The following DSTN variants were observed in gnomAD, a reference collection of about 807,000 sequenced individuals.
DSTN encodes the protein destrin.
A neutral mutation model predicts 16.8 loss-of-function variants in DSTN; 10 were observed. The observed-to-expected ratio is 0.60, with a 90% CI of 0.37 to 1.01. DSTN has a LOEUF of 1.01. DSTN is among the 50% of genes least tolerant of loss of function. DSTN has a pLI of 0.01. For missense variants in DSTN, 141 were observed against 196.7 expected, an observed-to-expected ratio of 0.72 and a Z score of 1.69; for synonymous variants, 57 against 58.9, an observed-to-expected ratio of 0.97 and a Z score of 0.14.
At chr20:17,596,863 A>C in intron 1 of DSTN, 1 of 924,318 alleles carries the variant, frequency 1.1e-6, no homozygotes, top group Non-Finnish European at 1.3e-6. Flanking sequence ...TTTGTTTTTG[A>C]TTACTAGTAC....
chr20:17,575,568 TCCTCTACCTCAGC>T (rs1292640264), intron 1 of DSTN, among the ~76,000 whole-genome samples: 1 of 151,890 alleles, frequency 6.6e-6, no homozygotes, highest in African/African-American at 2.4e-5. Flanking sequence ...GCTCAGTCAG[TCCTCTACCTCAGC>T]CTCCTGAGTA....
At chr20:17,606,475 T>C (rs1414249285) in intron 3 of DSTN, among the ~76,000 whole-genome samples, 1 of 152,252 alleles carries the variant, frequency 6.6e-6, no homozygotes, top group Non-Finnish European at 1.5e-5. Context: ...CAAAATCAAC[T>C]GTGCAATCAA....
At chr20:17,605,800 T>G (rs1468034441) in intron 3 of DSTN, among the ~76,000 whole-genome samples, 2 of 152,122 alleles carry the variant, frequency 1.3e-5, no homozygotes, top group Non-Finnish European at 2.9e-5. Flanking sequence ...CTTGATTTGG[T>G]GATACTAAAA....
chr20:17,594,689 A>G (rs1026500310), intron 1 of DSTN, among the ~76,000 whole-genome samples: 3 of 152,164 alleles, frequency 2.0e-5, no homozygotes, highest in Non-Finnish European at 4.4e-5. Context: ...TACATATCCT[A>G]ATCTCCCTCC....
chr20:17,606,974 T>A (rs1172390824), intron 3 of DSTN, 63 bp from the exon 4 acceptor site: 1 of 1,548,926 alleles, frequency 6.5e-7, no homozygotes, highest in East Asian at 2.3e-5. Flanking sequence ...AGTTTGGTTA[T>A]CTTAGAGAAA....
At chr20:17,606,263 A>AAG (rs2035642221) in intron 3 of DSTN, among the ~76,000 whole-genome samples, 1 of 152,250 alleles carries the variant, frequency 6.6e-6, no homozygotes. Flanking sequence ...ATAACCATGC[A>AAG]GCTATTTAAA....
intron 1 of DSTN, among the ~76,000 whole-genome samples, chr20:17,574,876 T>C (rs1418867015): frequency 5.4e-5 from 7 of 128,794 alleles, no homozygotes; most frequent in African/African-American, 2.1e-4. Context: ...TTTTGTTTTT[T>C]TTTTTTTTTT....
intron 1 of DSTN, 147 bp downstream of exon 1, chr20:17,570,358 G>GCAC: frequency 8.6e-7 from 1 of 1,164,680 alleles, no homozygotes; most frequent in Admixed American, 4.1e-5. Context: ...CTGCGGGTGA[G>GCAC]GGGGGGTCTC....
At chr20:17,602,913 G>A (rs575710346) in intron 2 of DSTN, among the ~76,000 whole-genome samples, 1 of 152,266 alleles carries the variant, frequency 6.6e-6, no homozygotes, top group East Asian at 1.9e-4. Flanking sequence ...CCAGCTACTC[G>A]GGAGGCTGAG....
At chr20:17,604,432 G>GA (rs1454150714) in intron 2 of DSTN, 123 bp from the exon 3 acceptor site, 2 of 1,008,672 alleles carry the variant, frequency 2.0e-6, no homozygotes, top group East Asian at 2.6e-5. Flanking sequence ...GTGCAGTTAA[G>GA]AAAAAATATC....
intron 1 of DSTN, chr20:17,596,907 A>G: frequency 2.7e-6 from 2 of 732,338 alleles, no homozygotes; most frequent in Non-Finnish European, 3.3e-6. Context: ...AGAATTTAGA[A>G]TGTTTGAGAT....
At chr20:17,600,589 A>G in intron 1 of DSTN, 149 bp from the exon 2 acceptor site, 1 of 914,638 alleles carries the variant, frequency 1.1e-6, no homozygotes. Flanking sequence ...TAAAATTAGT[A>G]GTGATTACAG....
At chr20:17,572,096 G>T (rs1043157148) in intron 1 of DSTN, among the ~76,000 whole-genome samples, 9 of 152,284 alleles carry the variant, frequency 5.9e-5, no homozygotes, top group Non-Finnish European at 8.8e-5. Flanking sequence ...AGCTCTTTTG[G>T]TTAGATGCTT....
intron 1 of DSTN, among the ~76,000 whole-genome samples, chr20:17,570,851 C>T (rs1208032939): frequency 6.6e-6 from 1 of 152,174 alleles, no homozygotes; most frequent in African/African-American, 2.4e-5. Flanking sequence ...GCACTCTCGT[C>T]GTGCTTGTCA....
intron 1 of DSTN, chr20:17,599,719 T>C (rs1568739256): frequency 1.3e-5 from 2 of 152,226 alleles, no homozygotes; most frequent in Non-Finnish European, 2.9e-5. Context: ...CATATACTCC[T>C]TAGGAAAGGC....
intron 1 of DSTN, among the ~76,000 whole-genome samples, chr20:17,583,912 GTTTT>G (rs1310428371): frequency 6.6e-6 from 1 of 151,716 alleles, no homozygotes; most frequent in Admixed American, 6.6e-5. Context: ...ATTTTAAAAA[GTTTT>G]TTTGTCAAGA....
intron 1 of DSTN, among the ~76,000 whole-genome samples, chr20:17,575,981 T>G (rs2035273980): frequency 6.6e-6 from 1 of 152,246 alleles, no homozygotes. Flanking sequence ...ATGTTGGAAG[T>G]GAGAAGTTTT....
rs1291115599 is a variant in DSTN at position 17,570,164 on chromosome 20, C to T, written c.-45C>T. The T allele has an allele frequency of 4.0e-6, 6 of 1,517,494 alleles. No homozygotes were observed. Among genetic ancestry groups the T allele is most frequent in the Non-Finnish European group, 5.3e-6 (6 of 1,136,810 alleles). 94.0% of individuals were successfully genotyped at this position (1,517,494 alleles called of 1,614,324 possible). A position where few individuals can be genotyped will look rare whatever the true frequency, so the allele number is the denominator to read the frequency against. ...AGGAGGACGGTCTGCATACTCGCTG[C>T]CCGCCGGCTCCCTCCCCCGCGTCCC... On this transcript the variant is annotated 5_prime_UTR_variant, in exon 1 of 4. Transcript: ENST00000246069.
chr20:17,582,057 C>T (rs966830412), intron 1 of DSTN, among the ~76,000 whole-genome samples: 2 of 150,986 alleles, frequency 1.3e-5, no homozygotes, highest in Non-Finnish European at 2.9e-5. Context: ...AGAAAAAGTC[C>T]CTGTCTCTAT....
Sources: gnomAD v4.1 joint callset for allele counts (sites outside exome capture counted in the v4.1 genomes callset) on GRCh38, gnomAD v4.1.1 for gene constraint, MANE v1.5 for transcripts, NCBI Gene and HGNC (gene_info 2026-07-23, HGNC 2026-07-21) for gene names.